Variants in TCAIM observed in about 807,000 individuals in gnomAD.
TCAIM encodes T cell activation inhibitor, mitochondrial, also known as T-cell activation inhibitor, mitochondrial.
A neutral mutation model predicts 58.6 loss-of-function variants in TCAIM; 36 were observed. The ratio of observed to expected loss-of-function variants is 0.61; its 90% CI spans 0.47 to 0.81. The LOEUF (loss-of-function observed/expected upper bound fraction) is 0.81, where lower values mean the gene tolerates loss of function less well. Ranked by LOEUF, TCAIM falls within the 30% of genes least tolerant of loss-of-function variation. TCAIM has a pLI of 0.00. For synonymous variants in TCAIM, 172 were observed against 193.6 expected, an observed-to-expected ratio of 0.89 and a Z score of 0.93; for missense variants, 466 against 579.6, an observed-to-expected ratio of 0.80 and a Z score of 2.01.
intron 1 of TCAIM, among the ~76,000 whole-genome samples, chr3:44,349,542 G>T (rs964304112): frequency 7.2e-5 from 11 of 152,058 alleles, no homozygotes; most frequent in African/African-American, 2.2e-4. Context: ...GAGAGAGGGG[G>T]ATACTTACCC....
At position 44,408,850 on chromosome 3, in the gene TCAIM, G is replaced by A. The variant is rs1702139807; in HGVS notation, c.*1168G>A. 1 of 152,078 alleles carries A rather than the reference G, an allele frequency of 6.6e-6. No homozygotes were observed. 9.4% of individuals were successfully genotyped at this position (152,078 alleles called of 1,614,324 possible). ...AGAATTCAACCCCAAGTGGTTGATG[G>A]TGTCCCCAGCACAGCCGAGAGACCT... On this transcript the variant is annotated 3_prime_UTR_variant, in exon 11 of 11. Transcript: ENST00000342649.
At chr3:44,399,588 A>G (rs1701991137) in intron 8 of TCAIM, among the ~76,000 whole-genome samples, 1 of 152,128 alleles carries the variant, frequency 6.6e-6, no homozygotes. Flanking sequence ...CATGCCAGCC[A>G]TACCAAACTC....
At chr3:44,405,246 C>T (rs1048974286) in intron 10 of TCAIM, among the ~76,000 whole-genome samples, 1 of 152,182 alleles carries the variant, frequency 6.6e-6, no homozygotes, top group African/African-American at 2.4e-5. Context: ...TTTATAGTAA[C>T]CCACTCAGAT....
chr3:44,402,006 C>T (rs1452798221), intron 10 of TCAIM, among the ~76,000 whole-genome samples: 1 of 151,974 alleles, frequency 6.6e-6, no homozygotes, highest in Non-Finnish European at 1.5e-5. Context: ...GCACTCCAGC[C>T]TGAATGAAAG....
chr3:44,368,079 T>C (rs910356631), intron 5 of TCAIM, among the ~76,000 whole-genome samples: 6 of 152,232 alleles, frequency 3.9e-5, no homozygotes, highest in African/African-American at 1.4e-4. Flanking sequence ...CTCTTCTTCA[T>C]GTGTTAGGCA....
chr3:44,353,602 T>C (rs531486157), intron 1 of TCAIM, among the ~76,000 whole-genome samples: 2 of 152,340 alleles, frequency 1.3e-5, no homozygotes, highest in South Asian at 4.1e-4. Flanking sequence ...GTGTTGTCAA[T>C]GTTTTGGATT....
At position 44,408,817 on chromosome 3, in the gene TCAIM, A is replaced by T. The variant is rs1426062623; in HGVS notation, c.*1135A>T. 6.6e-6 allele frequency: 1 copy of T among 152,196 alleles called. No homozygotes were observed. Among genetic ancestry groups the T allele is most frequent in the African/African-American group, 2.4e-5 (1 of 41,456 alleles). The allele number at this position is 152,196 out of a possible 1,614,324, so 9.4% of individuals were successfully genotyped here. On this transcript the variant is annotated 3_prime_UTR_variant, in exon 11 of 11. Coordinates refer to ENST00000342649, the MANE Select transcript of TCAIM (RefSeq NM_173826.4). ...AGCCCCTCAGAGTCACCTCTCATTC[A>T]TAGCAATAGAATTCAACCCCAAGTG...
intron 5 of TCAIM, among the ~76,000 whole-genome samples, chr3:44,389,749 A>G (rs2125650116): frequency 6.6e-6 from 1 of 151,778 alleles, no homozygotes; most frequent in African/African-American, 2.4e-5. Context: ...ATTGAATTAA[A>G]AAAAAAAAAC....
chr3:44,387,078 A>G (rs1701755286), intron 5 of TCAIM, among the ~76,000 whole-genome samples: 1 of 152,102 alleles, frequency 6.6e-6, no homozygotes, highest in African/African-American at 2.4e-5. Flanking sequence ...ACTCAGCCAG[A>G]CTCATGCTGA....
In TCAIM at chr3:44,377,742, G is replaced by A. The variant is rs112882177; in HGVS notation, c.572+10034G>A. ...AAAACTGGAAATTTCACAAAATTGT[G>A]GAAATTAAAGCACTCTTAACCAGCA... On this transcript the variant is annotated intron_variant, in intron 5 of 10. Coordinates refer to ENST00000342649, the MANE Select transcript of TCAIM (RefSeq NM_173826.4). 3.9e-3 allele frequency among the ~76,000 whole-genome samples: 592 copies of A among 152,114 alleles called. 2 individuals are homozygous for A. Among genetic ancestry groups the A allele is most frequent in the Middle Eastern group, 0.017 (5 of 294 alleles).
At chr3:44,368,540 TGAAG>T (rs1701416488) in intron 5 of TCAIM, among the ~76,000 whole-genome samples, 1 of 152,246 alleles carries the variant, frequency 6.6e-6, no homozygotes, top group South Asian at 2.1e-4. Context: ...AGTATGTGTC[TGAAG>T]ACGTGTATGT....
At chr3:44,405,842 C>G (rs1039444398) in intron 10 of TCAIM, among the ~76,000 whole-genome samples, 1 of 103,234 alleles carries the variant, frequency 9.7e-6, no homozygotes, top group Non-Finnish European at 2.1e-5. Flanking sequence ...ATCCCAGCTA[C>G]TTGGGAGGCT....
intron 6 of TCAIM, among the ~76,000 whole-genome samples, chr3:44,394,269 G>T (rs1196441020): frequency 6.6e-6 from 1 of 152,116 alleles, no homozygotes; most frequent in Non-Finnish European, 1.5e-5. Context: ...AGACTTCCAT[G>T]TGTGGAATGT....
intron 4 of TCAIM, 47 bp from the exon 5 acceptor site, chr3:44,367,409 G>T: frequency 1.3e-6 from 2 of 1,528,212 alleles, no homozygotes; most frequent in South Asian, 1.3e-5. Context: ...TTGAAATAAA[G>T]CAAATAATCA....
chr3:44,344,570 T>C (rs941634580), intron 1 of TCAIM, among the ~76,000 whole-genome samples: 19 of 152,194 alleles, frequency 1.2e-4, no homozygotes, highest in Non-Finnish European at 1.9e-4. Flanking sequence ...GGGGCTTTTT[T>C]CTTTTTCCTT....
In TCAIM at chr3:44,409,252, A is replaced by T. The variant is rs1392770077; in HGVS notation, c.*1570A>T. 2.0e-5 allele frequency: 3 copies of T among 152,228 alleles called. No individual in the cohort carries two copies. Among genetic ancestry groups the T allele is most frequent in the African/African-American group, 7.2e-5 (3 of 41,460 alleles). The allele number at this position is 152,228 out of a possible 1,614,324, so 9.4% of individuals were successfully genotyped here. A position where few individuals can be genotyped will look rare whatever the true frequency, so the allele number is the denominator to read the frequency against. Reference sequence around the variant, plus strand: ...CTTAAATTTTGTTTTCTAGTGTAACAAATGTTTCCCATAAGATTTTCTAGA... The same window carrying T: ...CTTAAATTTTGTTTTCTAGTGTAACTAATGTTTCCCATAAGATTTTCTAGA... On this transcript the variant is annotated 3_prime_UTR_variant, in exon 11 of 11. Transcript: ENST00000342649.
At chr3:44,356,824 A>C (rs562317373) in intron 2 of TCAIM, among the ~76,000 whole-genome samples, 33 of 149,832 alleles carry the variant, frequency 2.2e-4, no homozygotes, top group Non-Finnish European at 2.5e-4. Flanking sequence ...AAAAAAAAAA[A>C]AAACAGTCGG....
chr3:44,342,305 G>A, intron 1 of TCAIM, among the ~76,000 whole-genome samples: 1 of 152,152 alleles, frequency 6.6e-6, no homozygotes, highest in East Asian at 1.9e-4. Flanking sequence ...TGTTTCTGCT[G>A]TAATGCCATT....
chr3:44,343,850 T>C (rs950720028), intron 1 of TCAIM, among the ~76,000 whole-genome samples: 5 of 152,166 alleles, frequency 3.3e-5, no homozygotes, highest in African/African-American at 1.2e-4. Context: ...GTTGAGAAAA[T>C]CTATTGTCAC....
Sources: gnomAD v4.1 joint callset for allele counts (sites outside exome capture counted in the v4.1 genomes callset) on GRCh38, gnomAD v4.1.1 for gene constraint, MANE v1.5 for transcripts, NCBI Gene and HGNC (gene_info 2026-07-23, HGNC 2026-07-21) for gene names.